GHR: variants seen among roughly 807,000 people sequenced by gnomAD.
GHR encodes growth hormone receptor.
In GHR, 35 loss-of-function variants were observed where a neutral mutation model predicts 67.1. That is an observed-to-expected ratio of 0.52 (90% CI 0.40 to 0.69). The LOEUF is 0.69. GHR is among the 30% of genes least tolerant of loss of function. The pLI is 0.00. For missense variants in GHR, 792 were observed against 764.6 expected (o/e 1.04, Z -0.42); for synonymous variants, 272 against 269.1 (o/e 1.01, Z -0.10).
rs1756985826 is a variant in GHR at position 42,683,433 on chromosome 5, C to G, written c.137-5457C>G. On this transcript the variant is annotated intron_variant, in intron 3 of 9. Coordinates refer to ENST00000230882, the MANE Select transcript of GHR (RefSeq NM_000163.5). ...CATCAAAACCAGCAAAAGGGTGAGT[C>G]TGCTAGTTAAAAAGAAGTCTCAATC... Among the ~76,000 whole-genome samples, 4 of 152,342 alleles carry G rather than the reference C, an allele frequency of 2.6e-5. No homozygotes were observed. In the South Asian group the frequency reaches 6.2e-4, roughly 24 times the overall value.
intron 8 of GHR, among the ~76,000 whole-genome samples, chr5:42,717,069 G>C (rs1758757893): frequency 1.3e-5 from 2 of 152,220 alleles, no homozygotes; most frequent in Admixed American, 6.5e-5. Flanking sequence ...CACTTTGGGA[G>C]GATGGGGCGG....
intron 1 of GHR, among the ~76,000 whole-genome samples, chr5:42,481,247 C>G (rs563089207): frequency 1.3e-5 from 2 of 152,142 alleles, no homozygotes; most frequent in Admixed American, 1.3e-4. Context: ...GAGTTTCTGC[C>G]GAGAGATTAG....
At chr5:42,531,357 G>A (rs999943333) in intron 1 of GHR, among the ~76,000 whole-genome samples, 2 of 152,218 alleles carry the variant, frequency 1.3e-5, no homozygotes, top group Admixed American at 6.5e-5. Flanking sequence ...GTCAATTCTC[G>A]ATGGTTAGAA....
chr5:42,591,600 A>G (rs1193986306), intron 2 of GHR, among the ~76,000 whole-genome samples: 1 of 152,088 alleles, frequency 6.6e-6, no homozygotes, highest in East Asian at 1.9e-4. Flanking sequence ...AGTTTTCAGC[A>G]TCTAAAAGCC....
At chr5:42,529,672 T>C (rs1196572418) in intron 1 of GHR, among the ~76,000 whole-genome samples, 1 of 152,144 alleles carries the variant, frequency 6.6e-6, no homozygotes, top group Non-Finnish European at 1.5e-5. Context: ...ACAGCTTAAC[T>C]CTTGGGTGGG....
At chr5:42,506,669 C>G (rs952024839) in intron 1 of GHR, among the ~76,000 whole-genome samples, 18 of 152,144 alleles carry the variant, frequency 1.2e-4, no homozygotes, top group Admixed American at 1.3e-4. Context: ...ATATAGTAGC[C>G]TCAGTTTAAT....
chr5:42,534,109 T>A (rs1407365158), intron 1 of GHR, among the ~76,000 whole-genome samples: 3 of 148,726 alleles, frequency 2.0e-5, no homozygotes, highest in African/African-American at 7.4e-5. Flanking sequence ...TATGTACGTA[T>A]GTATATATGT....
At chr5:42,714,108 A>G (rs1242044775) in intron 8 of GHR, 1 of 153,768 alleles carries the variant, frequency 6.5e-6, no homozygotes, top group Non-Finnish European at 1.4e-5. Flanking sequence ...CAGTTTCACC[A>G]TGTTGGTCAG....
At chr5:42,483,995 T>C (rs1745771061) in intron 1 of GHR, among the ~76,000 whole-genome samples, 1 of 152,060 alleles carries the variant, frequency 6.6e-6, no homozygotes, top group South Asian at 2.1e-4. Flanking sequence ...AAGTAGGTAC[T>C]GAATAATACT....
intron 1 of GHR, among the ~76,000 whole-genome samples, chr5:42,528,302 T>C (rs1747799705): frequency 6.6e-6 from 1 of 152,150 alleles, no homozygotes; most frequent in Non-Finnish European, 1.5e-5. Flanking sequence ...TTATGATTCA[T>C]AGGAGGAGGT....
intron 2 of GHR, among the ~76,000 whole-genome samples, chr5:42,621,131 C>A (rs539884797): frequency 6.6e-6 from 1 of 152,124 alleles, no homozygotes; most frequent in East Asian, 1.9e-4. Context: ...TTCTCCATAA[C>A]GAAAAGCAGC....
intron 3 of GHR, among the ~76,000 whole-genome samples, chr5:42,639,267 T>C (rs1441949345): frequency 1.3e-5 from 2 of 152,184 alleles, no homozygotes; most frequent in Non-Finnish European, 2.9e-5. Flanking sequence ...CTAACTGCTA[T>C]CACTGAATTT....
intron 1 of GHR, among the ~76,000 whole-genome samples, chr5:42,552,508 T>C (rs1011129188): frequency 1.3e-5 from 2 of 152,204 alleles, no homozygotes; most frequent in African/African-American, 4.8e-5. Context: ...GATCATCTTA[T>C]GTTGATTTAC....
intron 1 of GHR, among the ~76,000 whole-genome samples, chr5:42,439,425 G>A (rs916131487): frequency 1.6e-4 from 25 of 152,326 alleles, no homozygotes; most frequent in African/African-American, 5.8e-4. Context: ...GGTCCTAAAA[G>A]CTCAGAGGTC....
chr5:42,432,511 A>G (rs952735842), intron 1 of GHR, among the ~76,000 whole-genome samples: 1 of 152,166 alleles, frequency 6.6e-6, no homozygotes, highest in Non-Finnish European at 1.5e-5. Flanking sequence ...AATTCACCCT[A>G]TCAGCTGCTT....
intron 1 of GHR, among the ~76,000 whole-genome samples, chr5:42,469,889 C>T (rs954885229): frequency 1.2e-4 from 18 of 151,934 alleles, no homozygotes; most frequent in African/African-American, 4.8e-5. Flanking sequence ...GGACACTTAA[C>T]GGAGTGGGGA....
intron 1 of GHR, among the ~76,000 whole-genome samples, chr5:42,482,154 C>G (rs908469495): frequency 2.0e-5 from 3 of 152,102 alleles, no homozygotes; most frequent in African/African-American, 7.2e-5. Flanking sequence ...CACTCCAGAC[C>G]CTGTTTGCCT....
intron 3 of GHR, among the ~76,000 whole-genome samples, chr5:42,651,880 A>G (rs1666439727): frequency 6.6e-6 from 1 of 152,182 alleles, no homozygotes; most frequent in African/African-American, 2.4e-5. Flanking sequence ...AAGAAAAAAT[A>G]CAGTATTTTA....
At chr5:42,457,478 A>C (rs927303386) in intron 1 of GHR, among the ~76,000 whole-genome samples, 4 of 152,184 alleles carry the variant, frequency 2.6e-5, no homozygotes, top group Admixed American at 6.5e-5. Context: ...AATTTGTTCC[A>C]CACAATTATC....
Sources: allele counts gnomAD v4.1 joint callset (sites outside exome capture counted in the v4.1 genomes callset), GRCh38; gene constraint gnomAD v4.1.1; transcripts MANE v1.5; gene names NCBI Gene and HGNC (gene_info 2026-07-23, HGNC 2026-07-21).